The following LDHAL6A variants were observed in gnomAD, a reference collection of about 807,000 sequenced individuals.
The protein encoded by LDHAL6A is lactate dehydrogenase A like 6A.
In LDHAL6A, 19 loss-of-function variants were observed where a neutral mutation model predicts 28.2. That is an observed-to-expected ratio of 0.67 (90% CI 0.47 to 0.99). The LOEUF (loss-of-function observed/expected upper bound fraction) is 0.99. Ranked by LOEUF, LDHAL6A falls within the 50% of genes least tolerant of loss-of-function variation. The pLI, the probability that LDHAL6A is intolerant of heterozygous loss-of-function variation, is 0.00. For missense variants in LDHAL6A, 372 were observed against 398.6 expected, an observed-to-expected ratio of 0.93 and a Z score of 0.57; for synonymous variants, 144 against 134.4, an observed-to-expected ratio of 1.07 and a Z score of -0.49.
At chr11:18,457,245 C>T (rs1250764855) in intron 1 of LDHAL6A, among the ~76,000 whole-genome samples, 1 of 152,068 alleles carries the variant, frequency 6.6e-6, no homozygotes, top group African/African-American at 2.4e-5. Flanking sequence ...TATTTCCCTT[C>T]GTTCCTTATT....
chr11:18,474,555 TTTTTTA>T (rs1009861335), intron 3 of LDHAL6A, among the ~76,000 whole-genome samples: 19 of 152,198 alleles, frequency 1.2e-4, no homozygotes, highest in South Asian at 8.3e-4. Context: ...CCTGGCTAAT[TTTTTTA>T]TTTTTAATAG....
At chr11:18,469,222 T>TG in intron 3 of LDHAL6A, 1 of 631,572 alleles carries the variant, frequency 1.6e-6, no homozygotes, top group South Asian at 1.8e-5. Flanking sequence ...CTGAAGTCTG[T>TG]GGGGACAGTA....
rs1491328437 is a variant in LDHAL6A, at chr11:18,468,002, CGT to C, written c.418+2193_418+2194del. Among the ~76,000 whole-genome samples, 108 of 37,684 alleles carry C rather than the reference CGT, an allele frequency of 2.9e-3. 4 individuals are homozygous for C. The highest frequency in any genetic ancestry group is 0.015 in the African/African-American group (100 of 6,884). The allele number at this position is 37,684 out of a possible 152,430, so 24.7% of individuals were successfully genotyped here. A position where few individuals can be genotyped will look rare whatever the true frequency, so the allele number is the denominator to read the frequency against. ...ATACGTATATATATGCATATATATA[CGT>C]ATATATATACATATATATACGTATA... On this transcript the variant is annotated intron_variant, in intron 3 of 6. Coordinates refer to ENST00000280706, the MANE Select transcript of LDHAL6A (RefSeq NM_144972.5).
chr11:18,477,755 A>C lies in LDHAL6A; in HGVS notation c.834+12A>C. 6.3e-7 allele frequency: 1 copy of C among 1,584,922 alleles called. No homozygotes were observed. The highest frequency in any genetic ancestry group is 8.6e-7 in the Non-Finnish European group (1 of 1,169,302). ...CTACCCTAAGTAAGGTAGGACATTC[A>C]TGTTCGAAAAATCATTAACTCAACA... On this transcript the variant is annotated intron_variant, in intron 6 of 6. Transcript: ENST00000280706.
rs1848763677 is a variant in LDHAL6A, at chr11:18,456,676, C to T, written c.-5C>T. ...GCAATTTGTCTTCACTGTTAGGTTT[C>T]CAAGATGGCAACTATCAAGAGTGAA... On this transcript the variant is annotated 5_prime_UTR_variant, in exon 1 of 7. Transcript: ENST00000280706. 6.2e-7 allele frequency: 1 copy of T among 1,613,380 alleles called. No individual in the cohort carries two copies. Among genetic ancestry groups the T allele is most frequent in the East Asian group, 2.2e-5 (1 of 44,868 alleles).
intron 3 of LDHAL6A, among the ~76,000 whole-genome samples, chr11:18,471,210 GTT>G (rs71313425): frequency 3.2e-4 from 45 of 138,842 alleles, no homozygotes; most frequent in East Asian, 1.1e-3. Flanking sequence ...AACTTTAGAA[GTT>G]TTTTTTTTTT....
chr11:18,469,885 A>G (rs993806647), intron 3 of LDHAL6A, among the ~76,000 whole-genome samples: 3 of 152,220 alleles, frequency 2.0e-5, no homozygotes, highest in Non-Finnish European at 4.4e-5. Context: ...TAAGCTACCA[A>G]AAATTGATAC....
In LDHAL6A at chr11:18,456,464, G is replaced by T; in HGVS notation, c.-217G>T. On this transcript the variant is annotated 5_prime_UTR_variant, in exon 1 of 7. Transcript: ENST00000280706. ...CTCACGCTTCCTTCTCCTTCCCCTG[G>T]TCCGCTTCATGGATGCTGAGCTGCC... 1.9e-6 allele frequency: 1 copy of T among 528,752 alleles called. No individual in the cohort carries two copies. Among genetic ancestry groups the T allele is most frequent in the Non-Finnish European group, 3.3e-6 (1 of 299,460 alleles). 32.8% of individuals were successfully genotyped at this position (528,752 alleles called of 1,614,324 possible). A position where few individuals can be genotyped will look rare whatever the true frequency, so the allele number is the denominator to read the frequency against.
At chr11:18,464,132 T>A in intron 2 of LDHAL6A, 54 bp downstream of exon 2, 1 of 1,218,972 alleles carries the variant, frequency 8.2e-7, no homozygotes, top group Non-Finnish European at 1.2e-6. Context: ...AACAAGTATC[T>A]AAGAAAATCA....
At chr11:18,462,667 C>CA (rs567746051) in intron 1 of LDHAL6A, among the ~76,000 whole-genome samples, 903 of 74,808 alleles carry the variant, frequency 0.012, 21 homozygotes, top group Admixed American at 0.022. Flanking sequence ...AAAAAAAAAA[C>CA]AAAAAAAACC....
chr11:18,472,172 G>C (rs1432629895), intron 3 of LDHAL6A, among the ~76,000 whole-genome samples: 2 of 152,156 alleles, frequency 1.3e-5, no homozygotes, highest in Non-Finnish European at 2.9e-5. Context: ...GCCTGGCAGA[G>C]GTCCCCCAAT....
In LDHAL6A at chr11:18,475,481, A is replaced by C. The variant is rs770549442; in HGVS notation, c.434A>C (p.Tyr145Ser). ...TTCTTCTTAGTGGATATCTTAACTT[A>C]TGTAGCCTGGAAGTTGAGTGGATTT... ...IVTNPVDILT[Y>S]VAWKLSGFPK... is the part of the protein sequence containing the mutation. The change falls in exon 4 of 7, where the codon TAT becomes TCT. Residue 145 changes from tyrosine to serine, a missense_variant. Physicochemically the swap from Tyr to Ser is moderately radical, Grantham distance 144. Transcript: ENST00000280706. The C allele has an allele frequency of 1.4e-5, 23 of 1,613,284 alleles. No homozygotes were observed. Among genetic ancestry groups the C allele is most frequent in the South Asian group, 4.4e-5 (4 of 91,024 alleles).
intron 5 of LDHAL6A, 104 bp from the exon 6 acceptor site, chr11:18,477,516 T>G (rs1379414200): frequency 3.1e-6 from 3 of 974,918 alleles, no homozygotes; most frequent in African/African-American, 3.4e-5. Flanking sequence ...AAGTTGTTGA[T>G]GGAGTCACTG....
At chr11:18,465,896 G>A in intron 3 of LDHAL6A, 86 bp downstream of exon 3, 1 of 1,097,458 alleles carries the variant, frequency 9.1e-7, no homozygotes, top group Non-Finnish European at 1.3e-6. Context: ...GTGTGATGCT[G>A]AGGTTTGGGG....
At chr11:18,469,895 C>T (rs1407676424) in intron 3 of LDHAL6A, among the ~76,000 whole-genome samples, 1 of 152,110 alleles carries the variant, frequency 6.6e-6, no homozygotes, top group Non-Finnish European at 1.5e-5. Context: ...AAAATTGATA[C>T]CACTCAGGAA....
In LDHAL6A at chr11:18,463,986, T is replaced by TG; in HGVS notation, c.154dup (p.Asp52GlyfsTer3). 6.2e-7 allele frequency: 1 copy of TG among 1,613,638 alleles called. No individual in the cohort carries two copies. The highest frequency in any genetic ancestry group is 8.5e-7 in the Non-Finnish European group (1 of 1,179,640). On this transcript the variant is annotated frameshift_variant, in exon 2 of 7. Coordinates refer to ENST00000280706, the MANE Select transcript of LDHAL6A (RefSeq NM_144972.5). LOFTEE classifies it high-confidence loss of function. ...GGTTTGAGTGATGAACTTGTCCTTG[T>TG]GGATGTTGATGAAGGCAAACTGAAG...
chr11:18,474,761 G>A (rs1849332185), intron 3 of LDHAL6A, among the ~76,000 whole-genome samples: 1 of 152,120 alleles, frequency 6.6e-6, no homozygotes, highest in African/African-American at 2.4e-5. Context: ...CACTTTGAGA[G>A]GCTGGGGCAG....
At chr11:18,476,615 T>G (rs1590262508) in intron 5 of LDHAL6A, 114 bp downstream of exon 5, 2 of 1,471,500 alleles carry the variant, frequency 1.4e-6, no homozygotes, top group East Asian at 4.8e-5. Context: ...TATTTTTATT[T>G]GCACTTCTGC....
chr11:18,461,777 G>A (rs555179527), intron 1 of LDHAL6A, among the ~76,000 whole-genome samples: 18 of 151,280 alleles, frequency 1.2e-4, no homozygotes, highest in South Asian at 4.2e-4. Flanking sequence ...GCTTGAACCC[G>A]GGAAGGTGTG....
Sources: gnomAD v4.1 joint callset for allele counts (sites outside exome capture counted in the v4.1 genomes callset) on GRCh38, gnomAD v4.1.1 for gene constraint, MANE v1.5 for transcripts, NCBI Gene and HGNC (gene_info 2026-07-23, HGNC 2026-07-21) for gene names.